DNAH7: variants seen among roughly 807,000 people sequenced by gnomAD.
DNAH7 encodes the protein axonemal beta dynein heavy chain 7.
Under a neutral mutation model 444.6 loss-of-function variants are expected in DNAH7, and 397 were observed. The observed-to-expected ratio is 0.89, with a 90% CI of 0.82 to 0.97. DNAH7 has a LOEUF of 0.97. Among genes scored for constraint, DNAH7 ranks in the 50% least tolerant of loss-of-function variants. The pLI, the probability that DNAH7 is intolerant of heterozygous loss-of-function variation, is 0.00. For synonymous variants in DNAH7, 1,636 were observed against 1,624.4 expected, an observed-to-expected ratio of 1.01 and a Z score of -0.17; for missense variants, 4,902 against 4,800.8, an observed-to-expected ratio of 1.02 and a Z score of -0.62.
chr2:195,975,303 T>TTCTCA (rs1692115534), intron 15 of DNAH7, among the ~76,000 whole-genome samples: 2 of 149,142 alleles, frequency 1.3e-5, no homozygotes, highest in African/African-American at 5.0e-5. Flanking sequence ...GGAGGGAGAG[T>TTCTCA]GGGACTTTGT....
At chr2:196,010,796 T>C (rs151289331) in intron 10 of DNAH7, among the ~76,000 whole-genome samples, 254 of 152,334 alleles carry the variant, frequency 1.7e-3, no homozygotes, top group African/African-American at 5.4e-3. Context: ...GTAGTTTATA[T>C]ACACAATGGA....
intron 40 of DNAH7, among the ~76,000 whole-genome samples, chr2:195,870,640 G>C (rs2125120626): frequency 6.6e-6 from 1 of 152,290 alleles, no homozygotes; most frequent in Non-Finnish European, 1.5e-5. Context: ...ATTAGGTCAT[G>C]GGAGCAGAAC....
chr2:195,994,081 A>AT (rs1173409529), intron 12 of DNAH7, among the ~76,000 whole-genome samples: 5 of 152,120 alleles, frequency 3.3e-5, no homozygotes, highest in Admixed American at 6.5e-5. Flanking sequence ...CAAGTTGTTT[A>AT]TTTTTTTAAA....
chr2:195,878,115 TGTCTGA>T (rs1219254630), intron 36 of DNAH7, among the ~76,000 whole-genome samples: 1 of 152,232 alleles, frequency 6.6e-6, no homozygotes, highest in African/African-American at 2.4e-5. Flanking sequence ...AGGAATGACA[TGTCTGA>T]GTAAAGCAAA....
intron 57 of DNAH7, among the ~76,000 whole-genome samples, chr2:195,787,944 G>A (rs973832806): frequency 6.6e-6 from 1 of 152,148 alleles, no homozygotes; most frequent in African/African-American, 2.4e-5. Context: ...TTCTGCCACG[G>A]GGTGAGGAAA....
chr2:195,819,834 G>A (rs1697375628), intron 49 of DNAH7, among the ~76,000 whole-genome samples: 2 of 152,158 alleles, frequency 1.3e-5, no homozygotes, highest in South Asian at 2.1e-4. Flanking sequence ...GATGCTGATT[G>A]GAATATACTG....
At chr2:195,981,200 T>C (rs1692548905) in intron 15 of DNAH7, among the ~76,000 whole-genome samples, 2 of 151,894 alleles carry the variant, frequency 1.3e-5, no homozygotes, top group African/African-American at 4.8e-5. Context: ...ATGCCAAAGG[T>C]GGGACAATCT....
intron 5 of DNAH7, among the ~76,000 whole-genome samples, chr2:196,044,357 C>T (rs1046031338): frequency 2.0e-5 from 3 of 151,590 alleles, no homozygotes; most frequent in Admixed American, 2.0e-4. Context: ...ATCCAAACAT[C>T]GAATGTTCTC....
intron 61 of DNAH7, among the ~76,000 whole-genome samples, chr2:195,765,175 T>C (rs144654660): frequency 5.3e-5 from 8 of 152,246 alleles, no homozygotes; most frequent in African/African-American, 2.4e-5. Flanking sequence ...AATCTGGATA[T>C]TCATATGCAG....
Position 195,799,347 on chromosome 2 carries a change from G to C in DNAH7, c.10302C>G (p.Leu3434=). ...CAGCCATGGGATCTGCTCCAGGAGA[G>C]AGCACGAAAATCAGTGGTGCACAGC... The part of the protein sequence containing the change: ...SNCCAPLIFV[L]SPGADPMAAL... The change falls in exon 55 of 65, where the codon CTC becomes CTG. Residue 3434 remains leucine, a synonymous_variant. Transcript: ENST00000312428. 2 of 1,611,638 alleles carry C rather than the reference G, an allele frequency of 1.2e-6. No homozygotes were observed. The highest frequency in any genetic ancestry group is 1.7e-6 in the Non-Finnish European group (2 of 1,178,902).
intron 61 of DNAH7, among the ~76,000 whole-genome samples, chr2:195,757,042 G>A (rs536692471): frequency 6.6e-6 from 1 of 151,718 alleles, no homozygotes; most frequent in East Asian, 1.9e-4. Flanking sequence ...TGCCCATGCC[G>A]GTCTCAAACT....
chr2:196,051,500 C>T (rs1380864469), intron 2 of DNAH7, among the ~76,000 whole-genome samples: 2 of 152,094 alleles, frequency 1.3e-5, no homozygotes, highest in African/African-American at 4.8e-5. Flanking sequence ...ACCGGCCAGG[C>T]GCGGTGGCTG....
At chr2:195,908,032 G>T (rs1687139998) in intron 25 of DNAH7, among the ~76,000 whole-genome samples, 1 of 151,734 alleles carries the variant, frequency 6.6e-6, no homozygotes, top group Non-Finnish European at 1.5e-5. Context: ...CCTACACAAA[G>T]AAGCTATTTA....
In DNAH7 at chr2:195,806,759, C is replaced by A. The variant is rs6708527; in HGVS notation, c.10157G>T (p.Arg3386Leu). 2 of 1,613,308 alleles carry A rather than the reference C, an allele frequency of 1.2e-6. No homozygotes were observed. The highest frequency in any genetic ancestry group is 1.7e-6 in the Non-Finnish European group (2 of 1,179,582). Residue 3386 changes from arginine to leucine, a missense_variant, in exon 54 of 65, where the codon CGT becomes CTT. Transcript: ENST00000312428. ...ATTTACCTTGTCTGGCCTCAAGCAA[C>A]GAATAATAAGCATCCTTTGAAACTC... Reference protein sequence around the residue: ...ANEFQRMLIIRCLRPDKVIPM... With the variant: ...ANEFQRMLIILCLRPDKVIPM...
intron 3 of DNAH7, among the ~76,000 whole-genome samples, chr2:196,049,284 A>C (rs562168429): frequency 6.6e-6 from 1 of 152,302 alleles, no homozygotes; most frequent in South Asian, 2.1e-4. Flanking sequence ...CTTACACAGG[A>C]AAATAGGATA....
chr2:195,900,169 A>AT, intron 28 of DNAH7, 113 bp downstream of exon 28: 4 of 1,183,204 alleles, frequency 3.4e-6, no homozygotes, highest in Non-Finnish European at 3.6e-6. Flanking sequence ...TTAATAATTG[A>AT]TTTTTTTCAA....
intron 12 of DNAH7, among the ~76,000 whole-genome samples, chr2:195,999,767 T>C (rs1382860439): frequency 6.6e-6 from 1 of 152,166 alleles, no homozygotes; most frequent in Admixed American, 6.5e-5. Flanking sequence ...ATGAAAAGGA[T>C]ATCCTCAAAA....
At chr2:195,933,560 T>A (rs1688843531) in intron 21 of DNAH7, among the ~76,000 whole-genome samples, 1 of 152,264 alleles carries the variant, frequency 6.6e-6, no homozygotes, top group Non-Finnish European at 1.5e-5. Flanking sequence ...TATGGAATAC[T>A]ATGCAGCCAT....
At chr2:196,048,191 A>T in intron 4 of DNAH7, 105 bp downstream of exon 4, 1 of 969,218 alleles carries the variant, frequency 1.0e-6, no homozygotes, top group Non-Finnish European at 1.5e-6. Flanking sequence ...ACTTGACATT[A>T]ATGTCATTCA....
Sources: gnomAD v4.1 joint callset for allele counts (sites outside exome capture counted in the v4.1 genomes callset) on GRCh38, gnomAD v4.1.1 for gene constraint, MANE v1.5 for transcripts, NCBI Gene and HGNC (gene_info 2026-07-23, HGNC 2026-07-21) for gene names.